PCDH9: variants seen among roughly 807,000 people sequenced by gnomAD.
The protein encoded by PCDH9 is protocadherin-9.
PCDH9 carries 24 observed loss-of-function variants against 70.6 expected under a neutral mutation model. That is an observed-to-expected ratio of 0.34 (90% CI 0.25 to 0.48). PCDH9 has a LOEUF of 0.48. PCDH9 is among the 20% of genes least tolerant of loss of function. The pLI, the probability that PCDH9 is intolerant of heterozygous loss-of-function variation, is 0.99. For missense variants in PCDH9, 1,281 were observed against 1,503.6 expected, an observed-to-expected ratio of 0.85 and a Z score of 2.45; for synonymous variants, 562 against 558.5, an observed-to-expected ratio of 1.01 and a Z score of -0.09.
At chr13:67,148,523 G>A (rs572661242) in intron 2 of PCDH9, among the ~76,000 whole-genome samples, 20 of 152,014 alleles carry the variant, frequency 1.3e-4, no homozygotes, top group African/African-American at 2.7e-4. Flanking sequence ...TAGAACACCC[G>A]TGCAAGTTTT....
chr13:66,692,828 C>G (rs746452056), intron 3 of PCDH9, among the ~76,000 whole-genome samples: 1 of 151,946 alleles, frequency 6.6e-6, no homozygotes, highest in Admixed American at 6.6e-5. Context: ...GAATTATATA[C>G]GAATCTATCA....
At chr13:66,533,514 A>G (rs954813765) in intron 4 of PCDH9, among the ~76,000 whole-genome samples, 1 of 152,128 alleles carries the variant, frequency 6.6e-6, no homozygotes, top group Non-Finnish European at 1.5e-5. Flanking sequence ...ATTTTAAAAT[A>G]AAAATCATTG....
intron 3 of PCDH9, among the ~76,000 whole-genome samples, chr13:66,854,813 A>G (rs75261531): frequency 0.03 from 4,622 of 152,188 alleles, 240 homozygotes; most frequent in African/African-American, 0.1. Context: ...TTCAACGTTA[A>G]CGAATCAACA....
chr13:66,642,069 G>GTA (rs1229439630), intron 3 of PCDH9, among the ~76,000 whole-genome samples: 1 of 151,972 alleles, frequency 6.6e-6, no homozygotes, highest in Non-Finnish European at 1.5e-5. Context: ...TAGATAAAAT[G>GTA]TATATATACA....
At chr13:66,828,088 AC>A (rs1415230032) in intron 3 of PCDH9, among the ~76,000 whole-genome samples, 1 of 152,200 alleles carries the variant, frequency 6.6e-6, no homozygotes, top group Non-Finnish European at 1.5e-5. Context: ...ATGTGAAGTA[AC>A]ATCTAAGAAA....
chr13:66,639,530 A>G (rs898461618), intron 3 of PCDH9, among the ~76,000 whole-genome samples: 1 of 152,200 alleles, frequency 6.6e-6, no homozygotes, highest in African/African-American at 2.4e-5. Context: ...ATCATGTGAA[A>G]AAACAATTGG....
intron 3 of PCDH9, among the ~76,000 whole-genome samples, chr13:66,818,170 A>T (rs1269536219): frequency 1.3e-5 from 2 of 152,206 alleles, no homozygotes; most frequent in Non-Finnish European, 2.9e-5. Flanking sequence ...CATATTAATT[A>T]AATTTAAGTG....
intron 2 of PCDH9, among the ~76,000 whole-genome samples, chr13:67,119,925 T>A (rs2086845836): frequency 6.6e-6 from 1 of 151,938 alleles, no homozygotes; most frequent in Non-Finnish European, 1.5e-5. Flanking sequence ...TTGTTTAACA[T>A]TACCAAATCT....
In PCDH9 at chr13:66,907,980, TA is replaced by T. The variant is rs1260326450; in HGVS notation, c.3037-4376del. Among the ~76,000 whole-genome samples the T allele has an allele frequency of 8.5e-5, 13 of 152,192 alleles. No individual in the cohort carries two copies. In the East Asian group the frequency reaches 2.5e-3, roughly 29 times the overall value. ...CTGAAAACGTTATTCCTACCCATTT[TA>T]AAAAACTAAGGATCCTTTTCATGAA... On this transcript the variant is annotated intron_variant, in intron 2 of 4. Transcript: ENST00000377865.
chr13:66,929,973 G>A (rs931261996), intron 2 of PCDH9, among the ~76,000 whole-genome samples: 2 of 152,076 alleles, frequency 1.3e-5, no homozygotes, highest in Non-Finnish European at 2.9e-5. Context: ...ACTACCAGTT[G>A]GTAGTTATCC....
At chr13:66,948,222 A>G (rs1225419285) in intron 2 of PCDH9, among the ~76,000 whole-genome samples, 1 of 152,096 alleles carries the variant, frequency 6.6e-6, no homozygotes, top group Non-Finnish European at 1.5e-5. Flanking sequence ...CAGACTTTAA[A>G]CTGTATAAAT....
intron 3 of PCDH9, among the ~76,000 whole-genome samples, chr13:66,737,483 G>C (rs532495607): frequency 2.6e-5 from 4 of 152,162 alleles, no homozygotes; most frequent in East Asian, 3.9e-4. Context: ...TTTGGAAGAG[G>C]GGGGAGGAGC....
chr13:66,827,786 G>A (rs751860488), intron 3 of PCDH9, among the ~76,000 whole-genome samples: 33 of 152,202 alleles, frequency 2.2e-4, no homozygotes, highest in Non-Finnish European at 3.7e-4. Context: ...AATGTCAACC[G>A]ATGGGTAAGG....
chr13:66,444,468 A>G (rs9571583), intron 4 of PCDH9, among the ~76,000 whole-genome samples: 9,973 of 152,046 alleles, frequency 0.066, 526 homozygotes, highest in East Asian at 0.32. Context: ...GACAAAAATT[A>G]TTTTGCTTTC....
intron 3 of PCDH9, among the ~76,000 whole-genome samples, chr13:66,767,517 G>A (rs1294396747): frequency 1.3e-5 from 2 of 152,040 alleles, no homozygotes; most frequent in African/African-American, 4.8e-5. Context: ...TATGCCAGCT[G>A]GAGACTAAAA....
chr13:66,699,756 CAGTT>C (rs1055724841), intron 3 of PCDH9, among the ~76,000 whole-genome samples: 3 of 152,156 alleles, frequency 2.0e-5, no homozygotes, highest in Non-Finnish European at 2.9e-5. Context: ...GTAAGATACT[CAGTT>C]GGTGGTCATT....
chr13:66,778,153 G>A (rs2079930766), intron 3 of PCDH9, among the ~76,000 whole-genome samples: 1 of 122,644 alleles, frequency 8.2e-6, no homozygotes, highest in African/African-American at 3.0e-5. Flanking sequence ...GAGGGGGGAG[G>A]TATAGCTTTA....
At chr13:66,777,587 T>C (rs2079918590) in intron 3 of PCDH9, among the ~76,000 whole-genome samples, 1 of 152,022 alleles carries the variant, frequency 6.6e-6, no homozygotes, top group Non-Finnish European at 1.5e-5. Flanking sequence ...TGAGATACCA[T>C]CTCACACCAG....
At chr13:66,610,151 T>A (rs1334191231) in intron 4 of PCDH9, among the ~76,000 whole-genome samples, 4 of 152,026 alleles carry the variant, frequency 2.6e-5, no homozygotes, top group African/African-American at 7.3e-5. Flanking sequence ...TTCATCATGC[T>A]TTGCTTATAT....
Sources: gnomAD v4.1 joint callset for allele counts (sites outside exome capture counted in the v4.1 genomes callset) on GRCh38, gnomAD v4.1.1 for gene constraint, MANE v1.5 for transcripts, NCBI Gene and HGNC (gene_info 2026-07-23, HGNC 2026-07-21) for gene names.